RAVER2: variants seen among roughly 807,000 people sequenced by gnomAD.
The protein encoded by RAVER2 is ribonucleoprotein, PTB binding 2.
RAVER2 carries 46 observed loss-of-function variants against 78.1 expected under a neutral mutation model. The observed-to-expected ratio is 0.59, with a 90% confidence interval of 0.46 to 0.75. The LOEUF is 0.75. RAVER2 is among the 30% of genes least tolerant of loss of function. The pLI, the probability that RAVER2 is intolerant of heterozygous loss-of-function variation, is 0.00. For missense variants in RAVER2, 793 were observed against 837.5 expected (o/e 0.95, Z 0.66); for synonymous variants, 311 against 313.3 (o/e 0.99, Z 0.08).
rs747195677 is a variant in RAVER2 at position 64,814,832 on chromosome 1, T to G, written c.1921T>G (p.Tyr641Asp). 1.9e-6 allele frequency: 3 copies of G among 1,569,112 alleles called. No homozygotes were observed. The African/African-American group carries it at 4.1e-5, about 21-fold the overall frequency. ...TGCTTATTCTCCACCTTTTGGTGAT[T>G]ATGCACAGGTAAATAATTCCCAGGT... The change falls in exon 11 of 12, where the codon TAT (tyrosine) becomes GAT (aspartate). Residue 641 changes from tyrosine to aspartate, a missense_variant. Transcript: ENST00000294428.
intron 11 of RAVER2, among the ~76,000 whole-genome samples, chr1:64,829,857 A>G (rs1364716941): frequency 6.6e-6 from 1 of 152,164 alleles, no homozygotes; most frequent in Non-Finnish European, 1.5e-5. Flanking sequence ...CTTTGAAATG[A>G]GATACCAGAG....
chr1:64,771,293 C>A (rs1459083154), intron 2 of RAVER2, among the ~76,000 whole-genome samples: 1 of 151,988 alleles, frequency 6.6e-6, no homozygotes, highest in Non-Finnish European at 1.5e-5. Context: ...AAAAACACAA[C>A]AGGTCCACAT....
Position 64,772,533 on chromosome 1 carries a change from C to T in RAVER2, c.316+3811C>T, listed in dbSNP as rs868652281. Among the ~76,000 whole-genome samples the T allele has an allele frequency of 1.7e-4, 26 of 152,044 alleles. 2 individuals carry two copies. The highest frequency in any genetic ancestry group is 3.4e-3 in the Middle Eastern group (1 of 294). On this transcript the variant is annotated intron_variant, in intron 2 of 11. Transcript: ENST00000294428. The stretch of plus-strand genomic sequence containing the variant: ...CAAATAGATTACGATGTGATGTGAT[C>T]TATGCAATAATCCGAGCAATGTTCA...
chr1:64,829,171 A>G (rs1337164036), intron 11 of RAVER2, among the ~76,000 whole-genome samples: 2 of 152,252 alleles, frequency 1.3e-5, no homozygotes, highest in Non-Finnish European at 2.9e-5. Flanking sequence ...TGAAGATGGT[A>G]TAGAAAGACA....
At chr1:64,824,758 C>T (rs1653966578) in intron 11 of RAVER2, among the ~76,000 whole-genome samples, 1 of 151,418 alleles carries the variant, frequency 6.6e-6, no homozygotes, top group Admixed American at 6.6e-5. Context: ...GGCGAAACCC[C>T]GTCTCTACAG....
chr1:64,764,310 A>G (rs1652112591), intron 1 of RAVER2, among the ~76,000 whole-genome samples: 1 of 152,030 alleles, frequency 6.6e-6, no homozygotes, highest in Non-Finnish European at 1.5e-5. Flanking sequence ...TGGACAATAC[A>G]ATTATGGTGT....
chr1:64,789,170 G>T (rs973343307), intron 4 of RAVER2, among the ~76,000 whole-genome samples: 2 of 152,186 alleles, frequency 1.3e-5, no homozygotes, highest in African/African-American at 4.8e-5. Context: ...CTTAAAGCCA[G>T]TTGGTATTTA....
chr1:64,828,165 C>CA (rs1257204827), intron 11 of RAVER2, among the ~76,000 whole-genome samples: 1 of 130,136 alleles, frequency 7.7e-6, no homozygotes, highest in Non-Finnish European at 1.6e-5. Flanking sequence ...CCACCCCCCC[C>CA]ACCCCCCGCC....
In RAVER2 at chr1:64,745,475, C is replaced by T. The variant is rs116551043; in HGVS notation, c.249+54C>T. The T allele has an allele frequency of 5.4e-6, 8 of 1,469,030 alleles. No individual in the cohort carries two copies. Among genetic ancestry groups the T allele is most frequent in the African/African-American group, 1.5e-5 (1 of 68,270 alleles). 91.0% of individuals were successfully genotyped at this position (1,469,030 alleles called of 1,614,324 possible). On this transcript the variant is annotated intron_variant, in intron 1 of 11. Coordinates refer to ENST00000294428, the Ensembl canonical transcript of RAVER2. The surrounding 1 kb of genome is among the most constrained non-coding windows in gnomAD (Gnocchi z 4.3). ...TCCCGAGGGGCGGCGGGGCGGCGCT[C>T]CGTGTCCAGGCTGGGATCGGGGGCG... is the stretch of plus-strand genomic sequence containing the variant.
intron 1 of RAVER2, among the ~76,000 whole-genome samples, chr1:64,758,303 C>T (rs1346021155): frequency 2.0e-5 from 3 of 152,118 alleles, no homozygotes. Flanking sequence ...TGAGGTATCA[C>T]ACTGTGATTA....
At chr1:64,793,486 GT>G (rs1653000681) in intron 5 of RAVER2, among the ~76,000 whole-genome samples, 1 of 152,112 alleles carries the variant, frequency 6.6e-6, no homozygotes, top group African/African-American at 2.4e-5. Flanking sequence ...GTATGTGTGT[GT>G]TCCTAATTTA....
At chr1:64,758,130 A>G (rs552050815) in intron 1 of RAVER2, among the ~76,000 whole-genome samples, 1 of 152,222 alleles carries the variant, frequency 6.6e-6, no homozygotes, top group African/African-American at 2.4e-5. Flanking sequence ...CCTCCTCACC[A>G]TGTTTGAGCT....
chr1:64,804,080 T>C (rs185054445), intron 6 of RAVER2, among the ~76,000 whole-genome samples: 6 of 152,266 alleles, frequency 3.9e-5, no homozygotes, highest in African/African-American at 1.2e-4. Flanking sequence ...CCTTGTTTTT[T>C]CCTCCTTTGG....
In RAVER2 at chr1:64,773,837, C is replaced by T. The variant is rs1570542864; in HGVS notation, c.317-3786C>T. Among the ~76,000 whole-genome samples, 6 of 152,328 alleles carry T rather than the reference C, an allele frequency of 3.9e-5. No homozygotes were observed. In the South Asian group the frequency reaches 1.2e-3, roughly 32 times the overall value. On this transcript the variant is annotated intron_variant, in intron 2 of 11. Transcript: ENST00000294428. Reference sequence around the variant, plus strand: ...TCTTATTTCTCCACATTCTCTCCAGCATCTGTTGTTTCCTGACTTTTTAAT... The same window carrying T: ...TCTTATTTCTCCACATTCTCTCCAGTATCTGTTGTTTCCTGACTTTTTAAT...
At chr1:64,773,931 GTGA>G (rs1652390663) in intron 2 of RAVER2, among the ~76,000 whole-genome samples, 2 of 152,194 alleles carry the variant, frequency 1.3e-5, no homozygotes, top group African/African-American at 4.8e-5. Flanking sequence ...CTGATGACCA[GTGA>G]TGATGAGCAT....
chr1:64,787,755 A>T (rs1652822328), intron 4 of RAVER2, among the ~76,000 whole-genome samples: 1 of 152,184 alleles, frequency 6.6e-6, no homozygotes, highest in African/African-American at 2.4e-5. Context: ...TGGCCAAGAA[A>T]GCCATGCTCT....
chr1:64,824,174 A>G (rs1269120931), intron 11 of RAVER2, among the ~76,000 whole-genome samples: 1 of 152,196 alleles, frequency 6.6e-6, no homozygotes, highest in Non-Finnish European at 1.5e-5. Context: ...CAGCAGTGTT[A>G]TCTACTTGCA....
chr1:64,790,531 A>G (rs1437612105), intron 5 of RAVER2, among the ~76,000 whole-genome samples: 1 of 152,238 alleles, frequency 6.6e-6, no homozygotes, highest in Non-Finnish European at 1.5e-5. Context: ...GCATCCTTTC[A>G]GTGAAAAGGT....
chr1:64,775,197 G>A (rs1652428062), intron 2 of RAVER2, among the ~76,000 whole-genome samples: 1 of 152,178 alleles, frequency 6.6e-6, no homozygotes. Flanking sequence ...CGTGAGTTAT[G>A]TTTGGGAGTC....
Sources: gnomAD v4.1 joint callset for allele counts (sites outside exome capture counted in the v4.1 genomes callset) on GRCh38, gnomAD v4.1.1 for gene constraint, Gnocchi (gnomAD v3.1) non-coding constraint, MANE v1.5 for transcripts, NCBI Gene and HGNC (gene_info 2026-07-23, HGNC 2026-07-21) for gene names.